PEDS1: variants seen among roughly 807,000 people sequenced by gnomAD.
PEDS1 encodes the protein CarF homolog.
In PEDS1, 14 loss-of-function variants were observed where a neutral mutation model predicts 35.2. That is an observed-to-expected ratio of 0.40 (90% CI 0.26 to 0.62). The LOEUF is 0.62. Ranked by LOEUF, PEDS1 falls within the 20% of genes least tolerant of loss-of-function variation. The probability of loss-of-function intolerance (pLI) is 0.44; values close to 1 mark genes in which losing one functional copy is unlikely to be tolerated. For synonymous variants in PEDS1, 152 were observed against 152.0 expected (o/e 1.00, Z 0.00); for missense variants, 260 against 367.8 (o/e 0.71, Z 2.40).
chr20:50,144,820 T>G (rs2081330012), intron 1 of PEDS1, among the ~76,000 whole-genome samples: 1 of 152,076 alleles, frequency 6.6e-6, no homozygotes, highest in Non-Finnish European at 1.5e-5. Flanking sequence ...TAAAAAAAAA[T>G]CTATATAGTT....
At chr20:50,142,564 A>T (rs1326622479) in intron 2 of PEDS1, among the ~76,000 whole-genome samples, 1 of 151,880 alleles carries the variant, frequency 6.6e-6, no homozygotes, top group East Asian at 1.9e-4. Context: ...CAGCCTCCCA[A>T]GTAGCTGGGA....
At chr20:50,134,225 C>T (rs1041730585) in intron 2 of PEDS1, among the ~76,000 whole-genome samples, 2 of 152,220 alleles carry the variant, frequency 1.3e-5, no homozygotes, top group African/African-American at 4.8e-5. Flanking sequence ...AATGACATCT[C>T]TAAATGCTGC....
At chr20:50,138,694 T>C (rs1324028288) in intron 2 of PEDS1, among the ~76,000 whole-genome samples, 1 of 152,248 alleles carries the variant, frequency 6.6e-6, no homozygotes, top group East Asian at 1.9e-4. Context: ...TCCAGGCTGC[T>C]GTCTGAGGCT....
intron 1 of PEDS1, chr20:50,151,383 G>A: frequency 9.8e-7 from 1 of 1,015,808 alleles, no homozygotes; most frequent in Non-Finnish European, 1.4e-6. Flanking sequence ...GCAATCCCTG[G>A]GGAGGCTCAG....
At position 50,118,303 on chromosome 20, in the gene PEDS1, T is replaced by C. The variant is rs1874205308; in HGVS notation, c.*6755A>G. On this transcript the variant is annotated 3_prime_UTR_variant, in exon 6 of 6. Coordinates refer to ENST00000371652, the MANE Select transcript of PEDS1 (RefSeq NM_199129.4). Reference sequence around the variant, plus strand: ...GAGCATTTGCCATATTCCAGGAACATGGTATTTTGCATATAATAATGTATT... The same window carrying C: ...GAGCATTTGCCATATTCCAGGAACACGGTATTTTGCATATAATAATGTATT... The C allele has an allele frequency of 6.6e-6, 1 of 152,178 alleles. No homozygotes were observed. The highest frequency in any genetic ancestry group is 1.5e-5 in the Non-Finnish European group (1 of 68,034). The allele number at this position is 152,178 out of a possible 1,614,324, so 9.4% of individuals were successfully genotyped here.
intron 1 of PEDS1, among the ~76,000 whole-genome samples, chr20:50,145,424 G>A (rs1287149179): frequency 1.3e-5 from 2 of 152,028 alleles, no homozygotes; most frequent in Non-Finnish European, 2.9e-5. Flanking sequence ...GCCGGGTGCA[G>A]TGTTTCACAC....
chr20:50,143,713 T>TTC, intron 1 of PEDS1, 92 bp from the exon 2 acceptor site: 1 of 1,505,526 alleles, frequency 6.6e-7, no homozygotes. Context: ...TTTTTTTTTT[T>TTC]CTGAGACAGA....
chr20:50,128,033 A>G lies in PEDS1; in HGVS notation c.633T>C (p.Arg211=), dbSNP rs1268018538. 6.2e-7 allele frequency: 1 copy of G among 1,614,192 alleles called. No homozygotes were observed. The highest frequency in any genetic ancestry group is 1.7e-5 in the Admixed American group (1 of 60,024). ...AGACGTGGTGGATGCGATGGTGTTT[A>G]CGTGGCAGGATGACATGCCAGTCCT... The part of the protein sequence containing the change: ...LLQDWHVILP[R]KHHRIHHVSP... The change falls in exon 5 of 6, where the codon CGT becomes CGC. Residue 211 remains arginine, a synonymous_variant. Coordinates refer to ENST00000371652, the MANE Select transcript of PEDS1 (RefSeq NM_199129.4). This position sits in a 1 kb window ranked among gnomAD's most constrained non-coding sequence, Gnocchi z 5.2.
At chr20:50,141,852 C>T (rs997086709) in intron 2 of PEDS1, among the ~76,000 whole-genome samples, 2 of 152,214 alleles carry the variant, frequency 1.3e-5, no homozygotes, top group Non-Finnish European at 2.9e-5. Flanking sequence ...AACCCCACCC[C>T]AGACCCAGAT....
intron 2 of PEDS1, among the ~76,000 whole-genome samples, chr20:50,133,193 T>C (rs2081197290): frequency 6.6e-6 from 1 of 151,826 alleles, no homozygotes; most frequent in African/African-American, 2.4e-5. Flanking sequence ...TCACTGTGAA[T>C]GTGCAATCCT....
chr20:50,153,209 A>C (rs1280824592), intron 1 of PEDS1, among the ~76,000 whole-genome samples: 1 of 151,920 alleles, frequency 6.6e-6, no homozygotes, highest in African/African-American at 2.4e-5. Context: ...CACTCTTCAC[A>C]ACCGAGAATG....
chr20:50,129,478 A>G lies in PEDS1; in HGVS notation c.478+68T>C, dbSNP rs1467364835. ...AAGGAGCCAAACACATAAGCCCCAGAAGGCTCCTGGGGGTCGGCCTCTGCC... is the reference window on the plus strand; with the variant it reads ...AAGGAGCCAAACACATAAGCCCCAGGAGGCTCCTGGGGGTCGGCCTCTGCC... On this transcript the variant is annotated intron_variant, in intron 4 of 5. Transcript: ENST00000371652. The surrounding 1 kb of genome is among the most constrained non-coding windows in gnomAD (Gnocchi z 4.2). 2 of 1,597,448 alleles carry G rather than the reference A, an allele frequency of 1.3e-6. No individual in the cohort carries two copies. Among genetic ancestry groups the G allele is most frequent in the East Asian group, 4.5e-5 (2 of 44,558 alleles).
chr20:50,145,853 A>C (rs890849443), intron 1 of PEDS1, among the ~76,000 whole-genome samples: 5 of 152,192 alleles, frequency 3.3e-5, no homozygotes, highest in African/African-American at 1.2e-4. Context: ...ACTACATATC[A>C]GGCGCCTGCT....
chr20:50,136,011 A>C (rs1234308806), intron 2 of PEDS1, among the ~76,000 whole-genome samples: 3 of 152,082 alleles, frequency 2.0e-5, no homozygotes, highest in African/African-American at 7.2e-5. Flanking sequence ...GGCTGTTTTG[A>C]ATCTGCTGCA....
intron 2 of PEDS1, among the ~76,000 whole-genome samples, chr20:50,133,866 C>T (rs1433115350): frequency 2.0e-5 from 3 of 152,266 alleles, no homozygotes; most frequent in African/African-American, 7.2e-5. Context: ...CACTGCCTCC[C>T]AGTCAAGTGG....
In PEDS1 at chr20:50,128,714, T is replaced by C. The variant is rs1166206115; in HGVS notation, c.479-527A>G. Among the ~76,000 whole-genome samples, 3 of 152,126 alleles carry C rather than the reference T, an allele frequency of 2.0e-5. No homozygotes were observed. The highest frequency in any genetic ancestry group is 4.4e-5 in the Non-Finnish European group (3 of 68,006). ...AAGATGGGGTGGGTGGCGTCCTGTC[T>C]CAGTCTGTTCCTGCAAGGAGCTCTG... On this transcript the variant is annotated intron_variant, in intron 4 of 5. Coordinates refer to ENST00000371652, the MANE Select transcript of PEDS1 (RefSeq NM_199129.4). This position sits in a 1 kb window ranked among gnomAD's most constrained non-coding sequence, Gnocchi z 5.2.
chr20:50,143,699 T>C (rs545667079), intron 1 of PEDS1, 78 bp from the exon 2 acceptor site: 1 of 1,532,332 alleles, frequency 6.5e-7, no homozygotes, highest in African/African-American at 1.6e-5. Context: ...AACTTTTCTT[T>C]TCTTTTTTTT....
chr20:50,126,455 T>C (rs1340133269), intron 5 of PEDS1, among the ~76,000 whole-genome samples: 2 of 152,160 alleles, frequency 1.3e-5, no homozygotes, highest in African/African-American at 4.8e-5. Context: ...AAAAAGAATG[T>C]TTTTTTGTGG....
rs1202447616 is a variant in PEDS1 at position 50,146,653 on chromosome 20, C to G, written c.122-3032G>C. ...CTGACCCAGAACCAGGACAGCTGCCCTCCCCTGCCCCTTGAAAAGACCAAG... is the reference window on the plus strand; with the variant it reads ...CTGACCCAGAACCAGGACAGCTGCCGTCCCCTGCCCCTTGAAAAGACCAAG... On this transcript the variant is annotated intron_variant, in intron 1 of 5. Coordinates refer to ENST00000371652, the MANE Select transcript of PEDS1 (RefSeq NM_199129.4). Among the ~76,000 whole-genome samples the G allele has an allele frequency of 4.6e-5, 7 of 152,190 alleles. No individual in the cohort carries two copies. In the East Asian group the frequency reaches 1.2e-3, roughly 25 times the overall value.
Sources: gnomAD v4.1 joint callset for allele counts (sites outside exome capture counted in the v4.1 genomes callset) on GRCh38, gnomAD v4.1.1 for gene constraint, Gnocchi (gnomAD v3.1) non-coding constraint, MANE v1.5 for transcripts, NCBI Gene and HGNC (gene_info 2026-07-23, HGNC 2026-07-21) for gene names.